Variants in FOXO1 observed in about 807,000 individuals in gnomAD.
FOXO1 encodes forkhead box protein O1.
FOXO1 carries 6 observed loss-of-function variants against 44.1 expected under a neutral mutation model. That is an observed-to-expected ratio of 0.14 (90% CI 0.07 to 0.27). The LOEUF (loss-of-function observed/expected upper bound fraction) is 0.27, where lower values mean the gene tolerates loss of function less well. Among genes scored for constraint, FOXO1 ranks in the 10% least tolerant of loss-of-function variants. FOXO1 has a pLI of 1.00. For missense variants in FOXO1, 737 were observed against 888.8 expected (o/e 0.83, Z 2.17); for synonymous variants, 380 against 362.7 (o/e 1.05, Z -0.54).
At chr13:40,588,547 T>TG (rs1166071115) in intron 1 of FOXO1, among the ~76,000 whole-genome samples, 2 of 152,096 alleles carry the variant, frequency 1.3e-5, no homozygotes, top group African/African-American at 2.4e-5. Context: ...TTTAAGATTT[T>TG]GGGGGGGACA....
At chr13:40,585,341 G>GCA (rs1347829239) in intron 1 of FOXO1, among the ~76,000 whole-genome samples, 1 of 94,690 alleles carries the variant, frequency 1.1e-5, no homozygotes, top group Non-Finnish European at 2.0e-5. Context: ...CTCTGCGCGC[G>GCA]CGCACACACA....
intron 1 of FOXO1, among the ~76,000 whole-genome samples, chr13:40,572,040 T>C (rs539172853): frequency 1.3e-5 from 2 of 152,350 alleles, no homozygotes; most frequent in South Asian, 2.1e-4. Flanking sequence ...CAGCATTACA[T>C]TGATGAGCCT....
At chr13:40,648,051 A>G (rs918264104) in intron 1 of FOXO1, among the ~76,000 whole-genome samples, 6 of 152,214 alleles carry the variant, frequency 3.9e-5, no homozygotes, top group Non-Finnish European at 1.5e-5. Flanking sequence ...CTCTTCTTCG[A>G]GTCACCAGTG....
At chr13:40,654,153 G>A (rs1361000756) in intron 1 of FOXO1, among the ~76,000 whole-genome samples, 3 of 151,538 alleles carry the variant, frequency 2.0e-5, no homozygotes, top group Non-Finnish European at 2.9e-5. Context: ...AACTGGAACT[G>A]CTCAAAGAAT....
At chr13:40,595,125 G>GA (rs1875526818) in intron 1 of FOXO1, among the ~76,000 whole-genome samples, 1 of 152,136 alleles carries the variant, frequency 6.6e-6, no homozygotes, top group African/African-American at 2.4e-5. Context: ...AACGTAAACA[G>GA]AAAAAACTGA....
intron 1 of FOXO1, among the ~76,000 whole-genome samples, chr13:40,577,809 CAGAATGAACAG>C (rs1169062612): frequency 6.9e-6 from 1 of 145,452 alleles, no homozygotes; most frequent in Non-Finnish European, 1.6e-5. Context: ...CAGAATGAAA[CAGAATGAACAG>C]AAGAGGAGAA....
At chr13:40,659,658 C>A (rs1159383113) in intron 1 of FOXO1, among the ~76,000 whole-genome samples, 1 of 151,320 alleles carries the variant, frequency 6.6e-6, no homozygotes, top group East Asian at 1.9e-4. Context: ...TAGTTTTTAT[C>A]AAAACTATAC....
At chr13:40,607,121 A>G (rs1239437149) in intron 1 of FOXO1, among the ~76,000 whole-genome samples, 1 of 152,166 alleles carries the variant, frequency 6.6e-6, no homozygotes. Context: ...GGTTTCTTCC[A>G]AGTGAGATCT....
At chr13:40,643,538 G>T (rs1259522980) in intron 1 of FOXO1, among the ~76,000 whole-genome samples, 1 of 151,942 alleles carries the variant, frequency 6.6e-6, no homozygotes, top group Non-Finnish European at 1.5e-5. Flanking sequence ...ATGCTGCCAG[G>T]TTATTTCCCC....
At chr13:40,627,006 C>G (rs1157637920) in intron 1 of FOXO1, among the ~76,000 whole-genome samples, 1 of 152,216 alleles carries the variant, frequency 6.6e-6, no homozygotes, top group Non-Finnish European at 1.5e-5. Context: ...CCTGGACATA[C>G]AACAGCCCTT....
chr13:40,657,790 A>C (rs1877904188), intron 1 of FOXO1, among the ~76,000 whole-genome samples: 1 of 152,228 alleles, frequency 6.6e-6, no homozygotes, highest in Non-Finnish European at 1.5e-5. Flanking sequence ...CCACTCAAAA[A>C]CACCTAGCAC....
intron 1 of FOXO1, among the ~76,000 whole-genome samples, chr13:40,596,914 CCT>C (rs1279027791): frequency 1.3e-5 from 2 of 152,162 alleles, no homozygotes; most frequent in African/African-American, 4.8e-5. Flanking sequence ...CCTACCACCT[CCT>C]CTCATCCTCA....
At chr13:40,563,546 G>A (rs889631894) in intron 1 of FOXO1, among the ~76,000 whole-genome samples, 1 of 152,122 alleles carries the variant, frequency 6.6e-6, no homozygotes, top group African/African-American at 2.4e-5. Context: ...CGGCTGGAAC[G>A]GAGCAGGTGT....
At chr13:40,627,887 C>A (rs1876837309) in intron 1 of FOXO1, among the ~76,000 whole-genome samples, 1 of 151,116 alleles carries the variant, frequency 6.6e-6, no homozygotes. Context: ...GAATGCTGTA[C>A]TACAGATCCA....
At chr13:40,630,902 G>A (rs1274743472) in intron 1 of FOXO1, among the ~76,000 whole-genome samples, 1 of 152,182 alleles carries the variant, frequency 6.6e-6, no homozygotes, top group Non-Finnish European at 1.5e-5. Context: ...ATGTGGTTCA[G>A]AAACCAAGAA....
intron 1 of FOXO1, among the ~76,000 whole-genome samples, chr13:40,562,433 G>A (rs1874071725): frequency 1.3e-5 from 2 of 152,206 alleles, no homozygotes; most frequent in Admixed American, 6.5e-5. Flanking sequence ...ACCTTGGGAA[G>A]CTGCCTAGCC....
intron 1 of FOXO1, among the ~76,000 whole-genome samples, chr13:40,562,370 A>C (rs1874066754): frequency 6.6e-6 from 1 of 152,200 alleles, no homozygotes; most frequent in Non-Finnish European, 1.5e-5. Flanking sequence ...AAAAACCAAC[A>C]ATCTTTCTTT....
chr13:40,649,433 T>C (rs1248045973), intron 1 of FOXO1, among the ~76,000 whole-genome samples: 1 of 152,190 alleles, frequency 6.6e-6, no homozygotes, highest in East Asian at 1.9e-4. Context: ...AATTGATGAC[T>C]TCTGTGGATG....
At chr13:40,594,214 G>A (rs1875492642) in intron 1 of FOXO1, among the ~76,000 whole-genome samples, 2 of 152,104 alleles carry the variant, frequency 1.3e-5, no homozygotes, top group Admixed American at 1.3e-4. Flanking sequence ...AATGGATAGT[G>A]AACAAAAAGA....
Sources: allele counts gnomAD v4.1 joint callset (sites outside exome capture counted in the v4.1 genomes callset), GRCh38; gene constraint gnomAD v4.1.1; transcripts MANE v1.5; gene names NCBI Gene and HGNC (gene_info 2026-07-23, HGNC 2026-07-21).